The following LRP1B variants were observed in gnomAD, a reference collection of about 807,000 sequenced individuals.
LRP1B encodes low-density lipoprotein receptor-related protein 1B.
A neutral mutation model predicts 556.6 loss-of-function variants in LRP1B; 217 were observed. That is an observed-to-expected ratio of 0.39 (90% CI 0.35 to 0.44). The LOEUF is 0.44. Ranked by LOEUF, LRP1B falls within the 20% of genes least tolerant of loss-of-function variation. The pLI is 1.00. For synonymous variants in LRP1B, 2,047 were observed against 1,865.8 expected, an observed-to-expected ratio of 1.10 and a Z score of -2.50; for missense variants, 5,053 against 5,620.8, an observed-to-expected ratio of 0.90 and a Z score of 3.23.
chr2:140,288,096 C>T (rs889871940), intron 84 of LRP1B, among the ~76,000 whole-genome samples: 2 of 150,316 alleles, frequency 1.3e-5, no homozygotes, highest in Admixed American at 6.7e-5. Context: ...ATCTTTCCTC[C>T]TTTCTCTCAT....
At chr2:141,343,299 A>G (rs1316559218) in intron 3 of LRP1B, among the ~76,000 whole-genome samples, 3 of 152,296 alleles carry the variant, frequency 2.0e-5, no homozygotes, top group East Asian at 3.9e-4. Flanking sequence ...TCTTTCCTGT[A>G]GCTTCTTGAA....
intron 3 of LRP1B, among the ~76,000 whole-genome samples, chr2:141,282,232 G>T (rs1243811600): frequency 6.6e-6 from 1 of 151,858 alleles, no homozygotes; most frequent in Non-Finnish European, 1.5e-5. Context: ...TAATTCTTGG[G>T]ACATGTAAAA....
chr2:141,270,462 C>A (rs780255606), intron 3 of LRP1B, among the ~76,000 whole-genome samples: 1 of 151,932 alleles, frequency 6.6e-6, no homozygotes, highest in Admixed American at 6.6e-5. Context: ...ACTATGGTCT[C>A]AAAGAGATAT....
At chr2:141,135,655 G>C (rs1033477257) in intron 7 of LRP1B, among the ~76,000 whole-genome samples, 5 of 151,872 alleles carry the variant, frequency 3.3e-5, no homozygotes, top group South Asian at 2.1e-4. Context: ...AGTTAAACTA[G>C]AAATATATGC....
At chr2:141,476,058 C>T (rs1682692522) in intron 3 of LRP1B, among the ~76,000 whole-genome samples, 1 of 152,116 alleles carries the variant, frequency 6.6e-6, no homozygotes, top group Admixed American at 6.5e-5. Flanking sequence ...GAGTTGCAGG[C>T]ACCGAACCGT....
At chr2:141,757,683 G>A (rs1288543760) in intron 2 of LRP1B, among the ~76,000 whole-genome samples, 1 of 151,982 alleles carries the variant, frequency 6.6e-6, no homozygotes, top group Non-Finnish European at 1.5e-5. Context: ...ACAGGTGCAT[G>A]CCAATATGTC....
chr2:140,763,235 T>A (rs554455907), intron 35 of LRP1B, among the ~76,000 whole-genome samples: 1 of 152,210 alleles, frequency 6.6e-6, no homozygotes. Context: ...TTACTGTGAA[T>A]TGAAGTAACC....
At chr2:141,421,198 T>A (rs2104963434) in intron 3 of LRP1B, among the ~76,000 whole-genome samples, 1 of 152,314 alleles carries the variant, frequency 6.6e-6, no homozygotes, top group Non-Finnish European at 1.5e-5. Flanking sequence ...TTCTGGAGTT[T>A]TAATTTTTTA....
At chr2:141,241,245 TAAAG>T (rs1010956567) in intron 5 of LRP1B, among the ~76,000 whole-genome samples, 54 of 151,946 alleles carry the variant, frequency 3.6e-4, no homozygotes, top group Non-Finnish European at 2.8e-4. Flanking sequence ...CTCCATAAAA[TAAAG>T]AAATATTTTA....
chr2:141,747,724 A>G (rs1044825929), intron 2 of LRP1B, among the ~76,000 whole-genome samples: 1 of 152,224 alleles, frequency 6.6e-6, no homozygotes. Context: ...GGTAATAGGC[A>G]AGGAATGATT....
At chr2:140,649,985 G>A (rs1248751206) in intron 41 of LRP1B, among the ~76,000 whole-genome samples, 1 of 152,044 alleles carries the variant, frequency 6.6e-6, no homozygotes. Context: ...TAATATAACT[G>A]AAGCACTTGT....
chr2:140,399,172 C>T (rs1404483506), intron 66 of LRP1B, among the ~76,000 whole-genome samples: 1 of 148,826 alleles, frequency 6.7e-6, no homozygotes, highest in Non-Finnish European at 1.5e-5. Flanking sequence ...GATACACACA[C>T]ACACACACAC....
chr2:142,115,506 AT>A lies in LRP1B; in HGVS notation c.82+15141del, dbSNP rs1244261438. On this transcript the variant is annotated intron_variant, in intron 1 of 90. Coordinates refer to ENST00000389484, the MANE Select transcript of LRP1B (RefSeq NM_018557.3). ...TAATATATAATTATATATAATATATATTATATATTACATATATAATATATAT... is the reference window on the plus strand; with the variant it reads ...TAATATATAATTATATATAATATATATATATATTACATATATAATATATAT... Among the ~76,000 whole-genome samples the A allele has an allele frequency of 5.3e-5, 5 of 93,824 alleles. 1 individual carries two copies. The highest frequency in any genetic ancestry group is 4.1e-5 in the African/African-American group (1 of 24,278). The allele number at this position is 93,824 out of a possible 152,430, so 61.6% of individuals were successfully genotyped here.
intron 59 of LRP1B, among the ~76,000 whole-genome samples, chr2:140,482,755 A>T (rs1688293968): frequency 6.6e-6 from 1 of 152,138 alleles, no homozygotes; most frequent in Admixed American, 6.6e-5. Context: ...GCTCTAATAC[A>T]TAGGACAGCC....
At chr2:141,675,566 C>A (rs1275939872) in intron 2 of LRP1B, among the ~76,000 whole-genome samples, 3 of 151,618 alleles carry the variant, frequency 2.0e-5, no homozygotes, top group African/African-American at 7.3e-5. Flanking sequence ...ACAGTACCTA[C>A]CCTATAGGGA....
At chr2:140,563,732 A>G (rs576223885) in intron 43 of LRP1B, among the ~76,000 whole-genome samples, 5 of 152,342 alleles carry the variant, frequency 3.3e-5, no homozygotes, top group African/African-American at 9.6e-5. Flanking sequence ...CTGGAATTAC[A>G]TTCAAAACAA....
At chr2:142,033,804 T>C (rs1703784604) in intron 1 of LRP1B, among the ~76,000 whole-genome samples, 1 of 151,714 alleles carries the variant, frequency 6.6e-6, no homozygotes, top group Non-Finnish European at 1.5e-5. Flanking sequence ...TACTCCACCT[T>C]AGGACATTGT....
chr2:141,835,886 A>T (rs1697259371), intron 1 of LRP1B, among the ~76,000 whole-genome samples: 1 of 152,000 alleles, frequency 6.6e-6, no homozygotes, highest in Non-Finnish European at 1.5e-5. Context: ...GTACATATAG[A>T]TCTAAATGTA....
At chr2:141,293,939 A>G (rs183974771) in intron 3 of LRP1B, among the ~76,000 whole-genome samples, 272 of 152,306 alleles carry the variant, frequency 1.8e-3, no homozygotes, top group African/African-American at 6.1e-3. Context: ...TTCTATATGC[A>G]TATATGTGTA....
Sources: allele counts gnomAD v4.1 joint callset (sites outside exome capture counted in the v4.1 genomes callset), GRCh38; gene constraint gnomAD v4.1.1; transcripts MANE v1.5; gene names NCBI Gene and HGNC (gene_info 2026-07-23, HGNC 2026-07-21).